The following SLC16A7 variants were observed in gnomAD, a reference collection of about 807,000 sequenced individuals.
SLC16A7 encodes the protein solute carrier family 16 member 7.
Under a neutral mutation model 34.9 loss-of-function variants are expected in SLC16A7, and 33 were observed. That is an observed-to-expected ratio of 0.94 (90% CI 0.72 to 1.26). The LOEUF is 1.26. Ranked by LOEUF, SLC16A7 falls within the 50% of genes most tolerant of loss-of-function variation. The pLI is 0.00. For missense variants in SLC16A7, 573 were observed against 578.1 expected, an observed-to-expected ratio of 0.99 and a Z score of 0.09; for synonymous variants, 201 against 206.6, an observed-to-expected ratio of 0.97 and a Z score of 0.23.
At chr12:59,773,858 C>T (rs955634191) in intron 4 of SLC16A7, among the ~76,000 whole-genome samples, 26 of 152,266 alleles carry the variant, frequency 1.7e-4, no homozygotes, top group East Asian at 9.7e-4. Context: ...CCACCACTCC[C>T]GGCCTAAATC....
chr12:59,604,761 C>T (rs1424984022), intron 1 of SLC16A7, among the ~76,000 whole-genome samples: 1 of 152,186 alleles, frequency 6.6e-6, no homozygotes, highest in Non-Finnish European at 1.5e-5. Context: ...ATCTGTTGAA[C>T]AAAATGTACC....
At chr12:59,677,816 A>G (rs1475142973) in intron 2 of SLC16A7, among the ~76,000 whole-genome samples, 4 of 152,206 alleles carry the variant, frequency 2.6e-5, no homozygotes, top group Admixed American at 6.5e-5. Context: ...TTTATGTCCA[A>G]CTACATAGGT....
intron 3 of SLC16A7, chr12:59,763,980 C>T (rs1042714033): frequency 6.6e-6 from 1 of 152,112 alleles, no homozygotes; most frequent in Non-Finnish European, 1.5e-5. Flanking sequence ...TGAGATACAA[C>T]AGTATTGAAA....
At chr12:59,692,582 T>C (rs750183727) in intron 2 of SLC16A7, among the ~76,000 whole-genome samples, 17 of 152,052 alleles carry the variant, frequency 1.1e-4, no homozygotes, top group Non-Finnish European at 2.4e-4. Context: ...GGAATTGTTT[T>C]GTATGGGAGG....
At chr12:59,749,312 C>T (rs1049424470) in intron 3 of SLC16A7, among the ~76,000 whole-genome samples, 3 of 152,110 alleles carry the variant, frequency 2.0e-5, no homozygotes, top group Non-Finnish European at 4.4e-5. Flanking sequence ...AAGGCCTGGA[C>T]AATGAGAACC....
At chr12:59,691,988 A>G (rs1871716585) in intron 2 of SLC16A7, among the ~76,000 whole-genome samples, 1 of 152,032 alleles carries the variant, frequency 6.6e-6, no homozygotes. Context: ...GCAAACTACT[A>G]CAAACTTGGT....
At chr12:59,656,160 T>C (rs1868522742) in intron 2 of SLC16A7, among the ~76,000 whole-genome samples, 1 of 152,012 alleles carries the variant, frequency 6.6e-6, no homozygotes, top group South Asian at 2.1e-4. Context: ...TGTTGTATCA[T>C]GTACTCTGTC....
At chr12:59,608,410 A>C (rs376919802) in intron 1 of SLC16A7, among the ~76,000 whole-genome samples, 19 of 152,350 alleles carry the variant, frequency 1.2e-4, no homozygotes, top group African/African-American at 4.1e-4. Context: ...AAAAAGGGGC[A>C]GAAACTGCAG....
intron 1 of SLC16A7, among the ~76,000 whole-genome samples, chr12:59,642,915 C>T (rs1880748394): frequency 6.6e-6 from 1 of 152,028 alleles, no homozygotes; most frequent in African/African-American, 2.4e-5. Context: ...ATTGGGAATA[C>T]AGGCACAAAG....
intron 3 of SLC16A7, among the ~76,000 whole-genome samples, chr12:59,734,614 G>T (rs1183196737): frequency 6.6e-6 from 1 of 152,218 alleles, no homozygotes; most frequent in Non-Finnish European, 1.5e-5. Context: ...GCTTTGCACA[G>T]TGTGGGGCCC....
intron 1 of SLC16A7, among the ~76,000 whole-genome samples, chr12:59,632,377 C>T (rs894082861): frequency 6.6e-6 from 1 of 151,942 alleles, no homozygotes; most frequent in Non-Finnish European, 1.5e-5. Flanking sequence ...TTCTCAACCT[C>T]AGCACTATTA....
chr12:59,753,672 C>A (rs1013289305), intron 3 of SLC16A7, among the ~76,000 whole-genome samples: 4 of 151,940 alleles, frequency 2.6e-5, no homozygotes, highest in Non-Finnish European at 2.9e-5. Context: ...CTTTAACACC[C>A]CACTGTCAAC....
intron 5 of SLC16A7, among the ~76,000 whole-genome samples, chr12:59,775,686 A>G (rs552477079): frequency 5.9e-5 from 9 of 152,266 alleles, no homozygotes; most frequent in African/African-American, 2.2e-4. Context: ...GGACCTGTGA[A>G]CTTAAGAACT....
chr12:59,688,721 C>A (rs1203682034), intron 2 of SLC16A7, among the ~76,000 whole-genome samples: 2 of 151,716 alleles, frequency 1.3e-5, no homozygotes, highest in African/African-American at 4.8e-5. Flanking sequence ...AAAGACAAAT[C>A]AATATAAAAC....
intron 3 of SLC16A7, among the ~76,000 whole-genome samples, chr12:59,709,357 A>G (rs1302768371): frequency 6.6e-6 from 1 of 151,634 alleles, no homozygotes; most frequent in Non-Finnish European, 1.5e-5. Context: ...GTGATGAACT[A>G]CTTTACATGG....
intron 2 of SLC16A7, among the ~76,000 whole-genome samples, chr12:59,664,172 T>C (rs1278847463): frequency 6.6e-6 from 1 of 152,142 alleles, no homozygotes; most frequent in Non-Finnish European, 1.5e-5. Flanking sequence ...ATAATGTCTA[T>C]CATGTATCAT....
intron 3 of SLC16A7, among the ~76,000 whole-genome samples, chr12:59,708,895 G>A (rs1873899802): frequency 6.6e-6 from 1 of 151,612 alleles, no homozygotes. Flanking sequence ...TTAGAATAAT[G>A]GCATCACATT....
chr12:59,733,859 C>T (rs988700243), intron 3 of SLC16A7: 8 of 454,994 alleles, frequency 1.8e-5, no homozygotes, highest in African/African-American at 6.0e-5. Context: ...GCAGGCAGGT[C>T]GTCCTGACTA....
At chr12:59,720,672 G>A (rs1875470902) in intron 3 of SLC16A7, among the ~76,000 whole-genome samples, 1 of 151,956 alleles carries the variant, frequency 6.6e-6, no homozygotes, top group Non-Finnish European at 1.5e-5. Flanking sequence ...CAACTCCCAT[G>A]TTCACACCCT....
Sources: gnomAD v4.1 joint callset for allele counts (sites outside exome capture counted in the v4.1 genomes callset) on GRCh38, gnomAD v4.1.1 for gene constraint, MANE v1.5 for transcripts, NCBI Gene and HGNC (gene_info 2026-07-23, HGNC 2026-07-21) for gene names.